SPHKAP: variants seen among roughly 807,000 people sequenced by gnomAD.
SPHKAP encodes the protein A-kinase anchor protein SPHKAP.
A neutral mutation model predicts 137.5 loss-of-function variants in SPHKAP; 67 were observed. The observed-to-expected ratio is 0.49, with a 90% confidence interval of 0.40 to 0.60. The LOEUF (loss-of-function observed/expected upper bound fraction) is 0.60, where lower values mean the gene tolerates loss of function less well. SPHKAP is among the 20% of genes least tolerant of loss of function. SPHKAP has a pLI of 0.00. For synonymous variants in SPHKAP, 813 were observed against 785.3 expected (o/e 1.04, Z -0.59); for missense variants, 2,097 against 2,069.3 (o/e 1.01, Z -0.26).
chr2:228,158,274 T>A (rs1574905510), intron 1 of SPHKAP, among the ~76,000 whole-genome samples: 1 of 151,908 alleles, frequency 6.6e-6, no homozygotes, highest in South Asian at 2.1e-4. Flanking sequence ...AGAGGCTGTG[T>A]GGAAATACAA....
intron 3 of SPHKAP, among the ~76,000 whole-genome samples, chr2:228,104,908 T>C (rs2106342922): frequency 6.6e-6 from 1 of 152,354 alleles, no homozygotes; most frequent in East Asian, 1.9e-4. Context: ...AATTAAATTC[T>C]AGTAAACATA....
chr2:228,081,050 A>G (rs1465250675), intron 3 of SPHKAP, among the ~76,000 whole-genome samples: 1 of 152,190 alleles, frequency 6.6e-6, no homozygotes, highest in Non-Finnish European at 1.5e-5. Flanking sequence ...CTCTGCCAAA[A>G]GGAAAAAAAA....
intron 7 of SPHKAP, among the ~76,000 whole-genome samples, chr2:228,014,532 A>G (rs1694492905): frequency 6.6e-6 from 1 of 152,158 alleles, no homozygotes; most frequent in Admixed American, 6.5e-5. Flanking sequence ...TTACGTTTTC[A>G]TGCTTTCTCC....
Position 228,181,686 on chromosome 2 carries a change from C to A in SPHKAP, c.-88G>T. On this transcript the variant is annotated 5_prime_UTR_variant, in exon 1 of 12. Transcript: ENST00000392056. The surrounding 1 kb of genome is among the most constrained non-coding windows in gnomAD (Gnocchi z 4.3). ...AGGACCCAGCTCCCAGAGTGCCAGACTGGCGCGCGCCAGGAGAGAGGCGCG... is the reference window on the plus strand; with the variant it reads ...AGGACCCAGCTCCCAGAGTGCCAGAATGGCGCGCGCCAGGAGAGAGGCGCG... The A allele has an allele frequency of 6.2e-7, 1 of 1,612,874 alleles. No homozygotes were observed. The highest frequency in any genetic ancestry group is 8.5e-7 in the Non-Finnish European group (1 of 1,179,290).
At chr2:228,168,242 A>C (rs4077080) in intron 1 of SPHKAP, among the ~76,000 whole-genome samples, 20,484 of 152,122 alleles carry the variant, frequency 0.13, 1,387 homozygotes, top group East Asian at 0.2. Context: ...TGTTGTTTTA[A>C]AGAAAATGAT....
At chr2:228,135,384 G>T (rs560722899) in intron 1 of SPHKAP, among the ~76,000 whole-genome samples, 1 of 152,074 alleles carries the variant, frequency 6.6e-6, no homozygotes, top group Non-Finnish European at 1.5e-5. Context: ...TTGGGGTGAT[G>T]TAAAAATAGA....
chr2:228,043,755 C>T (rs1403597136), intron 3 of SPHKAP, among the ~76,000 whole-genome samples: 1 of 152,142 alleles, frequency 6.6e-6, no homozygotes, highest in Non-Finnish European at 1.5e-5. Flanking sequence ...ATAAATTGAA[C>T]ATAATATTGC....
intron 3 of SPHKAP, among the ~76,000 whole-genome samples, chr2:228,040,419 CGGT>C (rs776322362): frequency 6.6e-6 from 1 of 152,180 alleles, no homozygotes; most frequent in Non-Finnish European, 1.5e-5. Context: ...TTTTCATCAA[CGGT>C]GTTATGCCAC....
chr2:228,177,543 A>G (rs982876376), intron 1 of SPHKAP, among the ~76,000 whole-genome samples: 25 of 152,268 alleles, frequency 1.6e-4, no homozygotes, highest in African/African-American at 5.8e-4. Flanking sequence ...AATAGGACAA[A>G]GAAATTTAAA....
chr2:228,057,338 A>T (rs1051107942), intron 3 of SPHKAP, among the ~76,000 whole-genome samples: 1 of 152,214 alleles, frequency 6.6e-6, no homozygotes, highest in South Asian at 2.1e-4. Flanking sequence ...AAAATATTCA[A>T]ATGTGAAGCA....
At chr2:228,146,397 C>T (rs549353552) in intron 1 of SPHKAP, among the ~76,000 whole-genome samples, 1 of 152,176 alleles carries the variant, frequency 6.6e-6, no homozygotes, top group Non-Finnish European at 1.5e-5. Context: ...TAAAAATCCT[C>T]TAGCAAGCTA....
chr2:228,173,069 C>T, intron 1 of SPHKAP: 1 of 985,376 alleles, frequency 1.0e-6, no homozygotes, highest in Non-Finnish European at 1.2e-6. Context: ...CCATCCTGAT[C>T]TGGTTTTATG....
intron 1 of SPHKAP, among the ~76,000 whole-genome samples, chr2:228,150,028 A>G (rs1488465268): frequency 6.6e-6 from 1 of 152,150 alleles, no homozygotes; most frequent in East Asian, 1.9e-4. Flanking sequence ...TGCTTGCTAC[A>G]GGTTTCTGTA....
At chr2:228,086,617 T>C (rs1032716086) in intron 3 of SPHKAP, among the ~76,000 whole-genome samples, 3 of 152,112 alleles carry the variant, frequency 2.0e-5, no homozygotes, top group Admixed American at 2.0e-4. Context: ...TCAAATTTGC[T>C]CGAGGGAAGA....
intron 3 of SPHKAP, among the ~76,000 whole-genome samples, chr2:228,070,712 C>T (rs1696979076): frequency 1.3e-5 from 2 of 152,112 alleles, no homozygotes; most frequent in South Asian, 2.1e-4. Context: ...GCTTTTACAG[C>T]TTTTTCAATA....
intron 3 of SPHKAP, among the ~76,000 whole-genome samples, chr2:228,030,139 A>C (rs1233004687): frequency 6.6e-6 from 1 of 152,196 alleles, no homozygotes; most frequent in African/African-American, 2.4e-5. Context: ...TCTCATGCAC[A>C]TCTTGCAATA....
intron 8 of SPHKAP, chr2:227,993,965 T>G: frequency 1.3e-6 from 1 of 790,070 alleles, no homozygotes; most frequent in Non-Finnish European, 1.5e-6. Flanking sequence ...TGAAGGTATT[T>G]ATCTATCGGC....
intron 1 of SPHKAP, among the ~76,000 whole-genome samples, chr2:228,158,292 A>C (rs994897083): frequency 6.6e-6 from 1 of 150,746 alleles, no homozygotes; most frequent in African/African-American, 2.4e-5. Context: ...CAATACACAT[A>C]TATAAGATAA....
At chr2:228,144,572 A>G (rs1699713524) in intron 1 of SPHKAP, among the ~76,000 whole-genome samples, 1 of 151,950 alleles carries the variant, frequency 6.6e-6, no homozygotes, top group African/African-American at 2.4e-5. Context: ...TATTTAATAT[A>G]TACTATTTTG....
Sources: allele counts gnomAD v4.1 joint callset (sites outside exome capture counted in the v4.1 genomes callset), GRCh38; gene constraint gnomAD v4.1.1; non-coding constraint Gnocchi (gnomAD v3.1); transcripts MANE v1.5; gene names NCBI Gene and HGNC (gene_info 2026-07-23, HGNC 2026-07-21).